The following DMD variants were observed in gnomAD, a reference collection of about 807,000 sequenced individuals.
The protein encoded by DMD is dystrophin.
DMD carries 63 observed loss-of-function variants against 330.1 expected under a neutral mutation model. The observed-to-expected ratio is 0.19, with a 90% CI of 0.16 to 0.24. The LOEUF (loss-of-function observed/expected upper bound fraction) is 0.24. DMD is among the 10% of genes least tolerant of loss of function. The pLI, the probability that DMD is intolerant of heterozygous loss-of-function variation, is 1.00. For missense variants in DMD, 3,344 were observed against 2,684.1 expected (o/e 1.25, Z -5.43); for synonymous variants, 1,223 against 959.8 (o/e 1.27, Z -5.07).
At chrX:31,706,401 C>CAT (rs1235864469) in intron 52 of DMD, among the ~76,000 whole-genome samples, 1 of 111,146 alleles carries the variant, frequency 9.0e-6, no homozygotes, top group African/African-American at 3.3e-5. Context: ...ACTCTAAACT[C>CAT]ATACTCTTAT....
At chrX:33,010,637 G>T (rs901114736) in intron 2 of DMD, among the ~76,000 whole-genome samples, 3 of 111,147 alleles carry the variant, frequency 2.7e-5, no homozygotes, top group East Asian at 2.8e-4. Flanking sequence ...ATCAGTATCA[G>T]ATTGATTGAT....
At chrX:32,469,155 T>C (rs985689918) in intron 22 of DMD, among the ~76,000 whole-genome samples, 2 of 110,622 alleles carry the variant, frequency 1.8e-5, no homozygotes, top group African/African-American at 3.3e-5. Context: ...GAACAATCTA[T>C]GTACTTAATA....
At chrX:32,655,330 A>G (rs1401487531) in intron 9 of DMD, among the ~76,000 whole-genome samples, 2 of 112,077 alleles carry the variant, frequency 1.8e-5, no homozygotes, top group African/African-American at 6.5e-5. Context: ...AGATTCTGGT[A>G]TGTTGTGTCT....
chrX:31,182,910 A>G lies in DMD; in HGVS notation c.9808-6T>C. 8.3e-7 allele frequency: 1 copy of G among 1,205,862 alleles called. No homozygotes were observed. The highest frequency in any genetic ancestry group is 1.8e-5 in the South Asian group (1 of 56,454). ...ATCTCTGGCTTATTATTAGCCTGCA[A>G]AGACAGGAGGGAGAGAGAAGGAGGG... On this transcript the variant is annotated splice_polypyrimidine_tract_variant and splice_region_variant and intron_variant, in intron 67 of 78. Transcript: ENST00000357033.
At chrX:33,124,088 C>T (rs1433246191) in intron 1 of DMD, among the ~76,000 whole-genome samples, 2 of 110,365 alleles carry the variant, frequency 1.8e-5, no homozygotes, top group Non-Finnish European at 3.8e-5. Flanking sequence ...ATTGCTTGAA[C>T]CCAGGAGGCG....
intron 2 of DMD, among the ~76,000 whole-genome samples, chrX:32,946,312 T>C (rs1191121372): frequency 9.0e-6 from 1 of 111,292 alleles, no homozygotes; most frequent in Non-Finnish European, 1.9e-5. Context: ...TTTTTTTGGT[T>C]CAAGGAAAGA....
intron 60 of DMD, among the ~76,000 whole-genome samples, chrX:31,397,275 A>G (rs1039624419): frequency 5.4e-5 from 6 of 112,113 alleles, no homozygotes; most frequent in Admixed American, 9.4e-5. Flanking sequence ...CTCAGTAGAC[A>G]AATCCAAAAT....
At chrX:31,767,159 C>G (rs932243226) in intron 51 of DMD, among the ~76,000 whole-genome samples, 12 of 111,489 alleles carry the variant, frequency 1.1e-4, no homozygotes, top group African/African-American at 3.9e-4. Context: ...ATATCTTCAG[C>G]CAAACAGATT....
chrX:32,215,740 A>G (rs2097109998), intron 44 of DMD, among the ~76,000 whole-genome samples: 1 of 111,760 alleles, frequency 8.9e-6, no homozygotes. Flanking sequence ...ATTATGCTAC[A>G]TTAGCCCAAA....
At position 32,545,042 on chromosome X, in the gene DMD, C is replaced by T. The variant is rs771480918; in HGVS notation, c.2168+117G>A. The T allele has an allele frequency of 6.9e-5, 48 of 694,069 alleles. No individual in the cohort carries two copies. The South Asian group carries it at 9.9e-4, about 14-fold the overall frequency. The allele number at this position is 694,069 out of a possible 1,213,427, so 57.2% of individuals were successfully genotyped here. On this transcript the variant is annotated intron_variant, in intron 17 of 78. Coordinates refer to ENST00000357033, the MANE Select transcript of DMD (RefSeq NM_004006.3). ...TAATTTTTCTCACTACATTAACTGA[C>T]ATTACAGGTACCCGAGGATTCTGGA...
At chrX:32,561,319 T>C (rs749214158) in intron 16 of DMD, among the ~76,000 whole-genome samples, 1 of 111,134 alleles carries the variant, frequency 9.0e-6, no homozygotes, top group South Asian at 3.8e-4. Context: ...ATGAATGACC[T>C]GATAGAGCTG....
At chrX:33,051,064 A>G (rs928096658) in intron 1 of DMD, among the ~76,000 whole-genome samples, 1 of 111,659 alleles carries the variant, frequency 9.0e-6, no homozygotes, top group Non-Finnish European at 1.9e-5. Flanking sequence ...ATCCACTTAC[A>G]CTTTACACCC....
intron 44 of DMD, among the ~76,000 whole-genome samples, chrX:32,016,247 C>T (rs765283388): frequency 2.7e-5 from 3 of 111,897 alleles, no homozygotes; most frequent in Non-Finnish European, 5.6e-5. Flanking sequence ...TTAATGTCCT[C>T]GCACTTGTTG....
intron 59 of DMD, among the ~76,000 whole-genome samples, chrX:31,469,531 A>G (rs758254947): frequency 6.5e-4 from 73 of 112,305 alleles, no homozygotes; most frequent in Non-Finnish European, 1.1e-3. Flanking sequence ...GGTTTCTGCC[A>G]AATGATCCGC....
At chrX:32,335,269 CCTG>C (rs1419471678) in intron 41 of DMD, among the ~76,000 whole-genome samples, 1 of 108,002 alleles carries the variant, frequency 9.3e-6, no homozygotes, top group East Asian at 2.9e-4. Context: ...TGGTGTGATC[CCTG>C]CTGACTGTAA....
intron 2 of DMD, among the ~76,000 whole-genome samples, chrX:32,880,502 C>T (rs1379195442): frequency 8.9e-6 from 1 of 111,742 alleles, no homozygotes; most frequent in Non-Finnish European, 1.9e-5. Context: ...CTTCCTTCTG[C>T]TCCCATGCAT....
intron 44 of DMD, among the ~76,000 whole-genome samples, chrX:32,036,127 C>G (rs1254381821): frequency 3.6e-5 from 4 of 111,436 alleles, no homozygotes; most frequent in African/African-American, 1.3e-4. Context: ...GTTACTCTAT[C>G]CCTGGAAGAA....
chrX:31,121,824 G>A lies in DMD; in HGVS notation c.*95C>T, dbSNP rs369622987. 4 of 1,152,689 alleles carry A rather than the reference G, an allele frequency of 3.5e-6. No individual in the cohort carries two copies. The highest frequency in any genetic ancestry group is 4.8e-6 in the Non-Finnish European group (4 of 841,955). 95.0% of individuals were successfully genotyped at this position (1,152,689 alleles called of 1,213,427 possible). On this transcript the variant is annotated 3_prime_UTR_variant, in exon 79 of 79. Coordinates refer to ENST00000357033, the MANE Select transcript of DMD (RefSeq NM_004006.3). ...AAAAACCATGCGGGAATCAGGAGTTGTAAAACATTTATTCTGCTCCTTCTT... is the reference window on the plus strand; with the variant it reads ...AAAAACCATGCGGGAATCAGGAGTTATAAAACATTTATTCTGCTCCTTCTT...
At chrX:32,666,101 C>T (rs776071049) in intron 9 of DMD, among the ~76,000 whole-genome samples, 1 of 110,003 alleles carries the variant, frequency 9.1e-6, no homozygotes, top group East Asian at 2.9e-4. Flanking sequence ...AGATGACAGA[C>T]TTCTGACATA....
Sources: gnomAD v4.1 joint callset for allele counts (sites outside exome capture counted in the v4.1 genomes callset) on GRCh38, gnomAD v4.1.1 for gene constraint, MANE v1.5 for transcripts, NCBI Gene and HGNC (gene_info 2026-07-23, HGNC 2026-07-21) for gene names.